CA5B: variants seen among roughly 807,000 people sequenced by gnomAD.
CA5B encodes the protein carbonic anhydrase 5B, mitochondrial.
Under a neutral mutation model 23.1 loss-of-function variants are expected in CA5B, and 15 were observed. That is an observed-to-expected ratio of 0.65 (90% CI 0.43 to 1.00). CA5B has a LOEUF of 1.00. Among genes scored for constraint, CA5B ranks in the 50% least tolerant of loss-of-function variants. The pLI is 0.00. For missense variants in CA5B, 236 were observed against 252.2 expected (o/e 0.94, Z 0.43); for synonymous variants, 84 against 98.5 (o/e 0.85, Z 0.87).
chrX:15,747,011 G>A (rs1344812751), intron 1 of CA5B, among the ~76,000 whole-genome samples: 2 of 111,842 alleles, frequency 1.8e-5, no homozygotes, highest in East Asian at 5.6e-4. Context: ...TGTTAGTCCT[G>A]CAGAGGCAGA....
At chrX:15,773,371 G>A (rs1931856767) in intron 4 of CA5B, among the ~76,000 whole-genome samples, 1 of 101,718 alleles carries the variant, frequency 9.8e-6, no homozygotes, top group Non-Finnish European at 2.0e-5. Flanking sequence ...CCCACCTCAA[G>A]ACAACAGGCG....
chrX:15,779,038 AAGAT>A (rs1931977316), intron 7 of CA5B, among the ~76,000 whole-genome samples: 1 of 111,650 alleles, frequency 9.0e-6, no homozygotes, highest in African/African-American at 3.3e-5. Flanking sequence ...AATAAAGAAA[AAGAT>A]AGATAAAGTT....
At chrX:15,752,981 G>A (rs1163998870) in intron 2 of CA5B, among the ~76,000 whole-genome samples, 2 of 110,798 alleles carry the variant, frequency 1.8e-5, no homozygotes, top group Non-Finnish European at 3.8e-5. Flanking sequence ...TACCTATAGC[G>A]TAGAAGCCCC....
intron 3 of CA5B, chrX:15,767,047 A>T: frequency 1.1e-6 from 1 of 887,363 alleles, no homozygotes; most frequent in African/African-American, 2.1e-5. Flanking sequence ...CTTGTCCCCC[A>T]TGGGGCTCTA....
chrX:15,776,796 T>C lies in CA5B; in HGVS notation c.701T>C (p.Leu234Pro). The change falls in exon 7 of 8, where the codon CTG becomes CCG. Residue 234 changes from leucine to proline, a missense_variant. Physicochemically the swap from Leu to Pro is moderately conservative, Grantham distance 98. Coordinates refer to ENST00000318636, the MANE Select transcript of CA5B (RefSeq NM_007220.4). ...CPDYWTYSGS[L>P]TTPPLSESVT... ...GATTACTGGACCTACTCAGGGTCTC[T>C]GACTACCCCACCCCTCTCCGAGTCT... The C allele has an allele frequency of 8.3e-7, 1 of 1,209,232 alleles. No homozygotes were observed.
chrX:15,749,224 G>C (rs1027560269), intron 1 of CA5B, among the ~76,000 whole-genome samples: 2 of 111,330 alleles, frequency 1.8e-5, no homozygotes, highest in Admixed American at 9.5e-5. Flanking sequence ...GCAGTATTGT[G>C]GTGGGGAAAG....
intron 1 of CA5B, among the ~76,000 whole-genome samples, chrX:15,746,314 G>C (rs903795709): frequency 9.0e-6 from 1 of 111,161 alleles, no homozygotes; most frequent in Non-Finnish European, 1.9e-5. Flanking sequence ...CAAAGTGCTG[G>C]GGTTACAGGC....
intron 1 of CA5B, among the ~76,000 whole-genome samples, chrX:15,747,613 T>A (rs1931261524): frequency 9.0e-6 from 1 of 111,363 alleles, no homozygotes; most frequent in Non-Finnish European, 1.9e-5. Context: ...TATTATAGTG[T>A]TCTCACTATA....
At chrX:15,766,442 C>T (rs376245333) in intron 3 of CA5B, among the ~76,000 whole-genome samples, 10 of 111,725 alleles carry the variant, frequency 9.0e-5, no homozygotes, top group African/African-American at 9.8e-5. Flanking sequence ...CATGGTATGA[C>T]GCAGCCCCAA....
At chrX:15,771,011 G>A (rs1401459793) in intron 3 of CA5B, among the ~76,000 whole-genome samples, 5 of 106,054 alleles carry the variant, frequency 4.7e-5, no homozygotes, top group African/African-American at 1.7e-4. Context: ...CTCATGATCC[G>A]CCCGCCTCAG....
In CA5B at chrX:15,786,584, G is replaced by A. The variant is rs917097958; in HGVS notation, c.*3920G>A. Reference sequence around the variant, plus strand: ...GAAGATTGTATTAAAATTGCTGTCCGTCTTCATTAAATAATACTAGATCGA... The same window carrying A: ...GAAGATTGTATTAAAATTGCTGTCCATCTTCATTAAATAATACTAGATCGA... On this transcript the variant is annotated 3_prime_UTR_variant, in exon 8 of 8. Transcript: ENST00000318636. The A allele has an allele frequency of 3.6e-5, 4 of 111,201 alleles. No individual in the cohort carries two copies. Among genetic ancestry groups the A allele is most frequent in the African/African-American group, 9.8e-5 (3 of 30,574 alleles). 9.2% of individuals were successfully genotyped at this position (111,201 alleles called of 1,213,427 possible). A position where few individuals can be genotyped will look rare whatever the true frequency, so the allele number is the denominator to read the frequency against.
rs148003758 is a variant in CA5B at position 15,764,243 on chromosome X, CT to C, written c.143-323del. Among the ~76,000 whole-genome samples, 59 of 102,851 alleles carry C rather than the reference CT, an allele frequency of 5.7e-4. 1 individual carries two copies. Among genetic ancestry groups the C allele is most frequent in the South Asian group, 4.7e-3 (11 of 2,358 alleles). 89.3% of individuals were successfully genotyped at this position (102,851 alleles called of 115,157 possible). On this transcript the variant is annotated intron_variant, in intron 2 of 7. Coordinates refer to ENST00000318636, the MANE Select transcript of CA5B (RefSeq NM_007220.4). Reference sequence around the variant, plus strand: ...GTTCTCTAGAAGTACAGTAGACAGGCTTTTTTTTTTTTCTTTTGAGACATGG... The same window carrying C: ...GTTCTCTAGAAGTACAGTAGACAGGCTTTTTTTTTTTCTTTTGAGACATGG...
chrX:15,760,444 T>C (rs756621864), intron 2 of CA5B, among the ~76,000 whole-genome samples: 1 of 111,529 alleles, frequency 9.0e-6, no homozygotes, highest in Admixed American at 9.6e-5. Flanking sequence ...AGAAACCTTC[T>C]GGAAGCTGAA....
intron 1 of CA5B, among the ~76,000 whole-genome samples, chrX:15,748,899 AAAG>A (rs772855831): frequency 9.0e-6 from 1 of 110,992 alleles, no homozygotes; most frequent in Non-Finnish European, 1.9e-5. Context: ...AAAATACAAA[AAAG>A]AGCCTCTGCA....
chrX:15,739,742 A>T (rs1051779838), intron 1 of CA5B, among the ~76,000 whole-genome samples: 11 of 112,126 alleles, frequency 9.8e-5, no homozygotes, highest in Non-Finnish European at 5.6e-5. Context: ...ACATATTCTG[A>T]AACCTTTGGC....
At chrX:15,775,360 C>T in intron 6 of CA5B, 52 bp downstream of exon 6, 1 of 1,152,898 alleles carries the variant, frequency 8.7e-7, no homozygotes, top group Non-Finnish European at 1.2e-6. Flanking sequence ...GTTTCAATCT[C>T]AGAGCGGAGA....
chrX:15,744,091 C>T (rs1313083690), intron 1 of CA5B, among the ~76,000 whole-genome samples: 1 of 112,062 alleles, frequency 8.9e-6, no homozygotes, highest in Non-Finnish European at 1.9e-5. Flanking sequence ...CCCCCTAGCC[C>T]TAGAGAGTCA....
At chrX:15,766,155 C>CAAA (rs58783397) in intron 3 of CA5B, among the ~76,000 whole-genome samples, 1 of 41,240 alleles carries the variant, frequency 2.4e-5, no homozygotes, top group Non-Finnish European at 4.3e-5. Flanking sequence ...GACTCTGTCT[C>CAAA]AAAAAAAAAA....
intron 1 of CA5B, among the ~76,000 whole-genome samples, chrX:15,746,089 G>A (rs866001940): frequency 4.2e-5 from 4 of 96,119 alleles, no homozygotes; most frequent in Middle Eastern, 6.7e-3. Context: ...TCAGGCTGGA[G>A]TGCAGTGGTG....
Sources: gnomAD v4.1 joint callset for allele counts (sites outside exome capture counted in the v4.1 genomes callset) on GRCh38, gnomAD v4.1.1 for gene constraint, MANE v1.5 for transcripts, NCBI Gene and HGNC (gene_info 2026-07-23, HGNC 2026-07-21) for gene names.